The following AP3D1 variants were observed in gnomAD, a reference collection of about 807,000 sequenced individuals.
AP3D1 encodes AP-3 complex subunit delta-1.
AP3D1 carries 51 observed loss-of-function variants against 147.6 expected under a neutral mutation model. That is an observed-to-expected ratio of 0.35 (90% confidence interval 0.28 to 0.44). The LOEUF (loss-of-function observed/expected upper bound fraction) is 0.44. Ranked by LOEUF, AP3D1 falls within the 20% of genes least tolerant of loss-of-function variation. The pLI is 1.00. For synonymous variants in AP3D1, 760 were observed against 663.0 expected (o/e 1.15, Z -2.25); for missense variants, 1,421 against 1,624.2 (o/e 0.87, Z 2.15).
chr19:2,115,485 G>A lies in AP3D1; in HGVS notation c.2149+53C>T. On this transcript the variant is annotated intron_variant, in intron 19 of 31. Transcript: ENST00000643116. ...GGGGCTCACGGGGAGGGCGGCGGGAGCACCCCACAGCCCATGTGACAAATG... is the reference window on the plus strand; with the variant it reads ...GGGGCTCACGGGGAGGGCGGCGGGAACACCCCACAGCCCATGTGACAAATG... The A allele has an allele frequency of 4.4e-6, 7 of 1,609,030 alleles. No homozygotes were observed. In the South Asian group the frequency reaches 4.4e-5, roughly 10 times the overall value.
intron 25 of AP3D1, 125 bp downstream of exon 25, chr19:2,111,554 C>A (rs1030975806): frequency 9.6e-6 from 13 of 1,349,944 alleles, no homozygotes; most frequent in East Asian, 2.5e-5. Context: ...CCCCTGCCCC[C>A]GCCAGGCTCG....
intron 1 of AP3D1, among the ~76,000 whole-genome samples, chr19:2,144,364 G>T (rs1021527192): frequency 2.0e-5 from 3 of 152,144 alleles, no homozygotes; most frequent in Admixed American, 6.5e-5. Flanking sequence ...GGAGCAGAGC[G>T]GCCGCGGCCA....
At chr19:2,115,112 C>G in intron 20 of AP3D1, 107 bp downstream of exon 20, 1 of 1,240,854 alleles carries the variant, frequency 8.1e-7, no homozygotes, top group Non-Finnish European at 1.1e-6. Flanking sequence ...GGGGCCTCAT[C>G]CCAGCCACCA....
In AP3D1 at chr19:2,112,982, G is replaced by A. The variant is rs753352380; in HGVS notation, c.2680-15C>T. On this transcript the variant is annotated splice_polypyrimidine_tract_variant and intron_variant, in intron 23 of 31. Transcript: ENST00000643116. ...CTGAGCTCCCCCTGCAGGGAGCCAG[G>A]GCTTGGGGCTCATGCTGGGCAATGA... 1 of 1,595,540 alleles carries A rather than the reference G, an allele frequency of 6.3e-7. No homozygotes were observed. Among genetic ancestry groups the A allele is most frequent in the Admixed American group, 1.7e-5 (1 of 58,236 alleles).
At chr19:2,127,113 G>C in intron 9 of AP3D1, 39 bp downstream of exon 9, 1 of 1,609,714 alleles carries the variant, frequency 6.2e-7, no homozygotes, top group Non-Finnish European at 8.5e-7. Flanking sequence ...CAGCCTGGCA[G>C]TGCCAGCCCT....
In AP3D1 at chr19:2,120,946, G is replaced by A; in HGVS notation, c.1397C>T (p.Ala466Val). 4 of 1,612,012 alleles carry A rather than the reference G, an allele frequency of 2.5e-6. No homozygotes were observed. The highest frequency in any genetic ancestry group is 3.4e-6 in the Non-Finnish European group (4 of 1,180,014). The change falls in exon 14 of 32, where the codon GCA becomes GTA. Residue 466 changes from alanine to valine, a missense_variant. By Grantham distance (64) the Ala-to-Val change is moderately conservative (BLOSUM62 0). Coordinates refer to ENST00000643116, the MANE Select transcript of AP3D1 (RefSeq NM_001261826.3). ...VSQMSALLDSAHLLASSTQRN... is the reference protein window; with the variant it reads ...VSQMSALLDSVHLLASSTQRN... ...CTGGGTGCTGCTGGCCAGCAGGTGT[G>A]CACTGTCAAGCAGCGCAGACATCTG...
At chr19:2,133,094 T>C (rs915041727) in intron 4 of AP3D1, among the ~76,000 whole-genome samples, 27 of 152,216 alleles carry the variant, frequency 1.8e-4, no homozygotes, top group African/African-American at 6.0e-4. Flanking sequence ...CACGTATCAC[T>C]GGCAGCTCCC....
chr19:2,117,588 C>T (rs1276732979), intron 15 of AP3D1, among the ~76,000 whole-genome samples: 1 of 152,238 alleles, frequency 6.6e-6, no homozygotes, highest in Non-Finnish European at 1.5e-5. Flanking sequence ...GAGATGGGGG[C>T]ACAACAGGGA....
chr19:2,112,172 G>A (rs949610366), intron 24 of AP3D1: 8 of 348,826 alleles, frequency 2.3e-5, no homozygotes, highest in Middle Eastern at 8.9e-4. Flanking sequence ...ACATCCACGC[G>A]CACTGCGCAG....
Position 2,118,673 on chromosome 19 carries a change from C to T in AP3D1, c.1641G>A (p.Gln547=), listed in dbSNP as rs761975746. 1.2e-6 allele frequency: 2 copies of T among 1,613,156 alleles called. No individual in the cohort carries two copies. The highest frequency in any genetic ancestry group is 3.3e-5 in the Admixed American group (2 of 60,018). ...GGTCCACCATGAGCTGGGTGACGGC[C>T]TGAGCGCCCTCTGCCTCCCCGGCCT... ...KEQAGEAEGA[Q]AVTQLMVDRL... The change falls in exon 15 of 32, where the codon CAG becomes CAA. Residue 547 remains glutamine (Q), a synonymous_variant. Transcript: ENST00000643116.
At chr19:2,138,976 T>C (rs1223243430) in intron 1 of AP3D1, among the ~76,000 whole-genome samples, 1 of 146,950 alleles carries the variant, frequency 6.8e-6, no homozygotes, top group Non-Finnish European at 1.5e-5. Flanking sequence ...AGGAGAATCG[T>C]TTAAACCTGG....
rs553672413 is a variant in AP3D1, at chr19:2,121,049, G to A, written c.1294C>T (p.Arg432Trp). ...TGGGCGGCGATGAGGTGGCCGTGCC[G>A]TGTGCCCTCCAGCCGGGTCAGCTCC... Reference protein sequence around the residue: ...LVELTRLEGTRHGHLIAAQML... With the variant: ...LVELTRLEGTWHGHLIAAQML... Residue 432 changes from arginine to tryptophan, a missense_variant, in exon 14 of 32, where the codon CGG becomes TGG. Physicochemically the swap from Arg to Trp is moderately radical, Grantham distance 101. Coordinates refer to ENST00000643116, the MANE Select transcript of AP3D1 (RefSeq NM_001261826.3). The A allele has an allele frequency of 5.6e-6, 9 of 1,613,160 alleles. No individual in the cohort carries two copies. Among genetic ancestry groups the A allele is most frequent in the East Asian group, 2.2e-5 (1 of 44,878 alleles).
intron 1 of AP3D1, among the ~76,000 whole-genome samples, chr19:2,146,770 T>C (rs760725341): frequency 5.3e-5 from 8 of 151,982 alleles, no homozygotes; most frequent in Non-Finnish European, 1.0e-4. Context: ...CAGGGACGCA[T>C]TCGGGAATTC....
chr19:2,119,091 C>T (rs1030723821), intron 14 of AP3D1, among the ~76,000 whole-genome samples: 2 of 152,150 alleles, frequency 1.3e-5, no homozygotes, highest in Non-Finnish European at 2.9e-5. Context: ...AAAAGGACAA[C>T]GGGGTCAACT....
chr19:2,110,576 T>C, intron 27 of AP3D1, 131 bp downstream of exon 27: 1 of 985,978 alleles, frequency 1.0e-6, no homozygotes, highest in Non-Finnish European at 1.5e-6. Flanking sequence ...ACTCAGGAGG[T>C]ACTGAGGTGC....
In AP3D1 at chr19:2,129,474, T is replaced by C. The variant is rs758287; in HGVS notation, c.593-17A>G. On this transcript the variant is annotated splice_polypyrimidine_tract_variant and intron_variant, in intron 6 of 31. Transcript: ENST00000643116. ...ACTGAACCCCTGGGGAACAAGGGGT[T>C]CTCATCAGCATGCCTGTCCTTCCAC... The C allele has an allele frequency of 0.39, 619,953 of 1,609,250 alleles. 125,159 individuals carry two copies. The highest frequency in any genetic ancestry group is 0.42 in the Non-Finnish European group (498,994 of 1,177,034).
At chr19:2,109,986 G>C in intron 28 of AP3D1, 28 bp from the exon 29 acceptor site, 1 of 1,611,672 alleles carries the variant, frequency 6.2e-7, no homozygotes, top group Non-Finnish European at 8.5e-7. Context: ...TGGTGCAGTT[G>C]AGAGGGGAGT....
chr19:2,129,486 GCCTGT>G, intron 6 of AP3D1, 29 bp from the exon 7 acceptor site: 10 of 1,601,488 alleles, frequency 6.2e-6, no homozygotes, highest in Non-Finnish European at 8.5e-6. Flanking sequence ...TCATCAGCAT[GCCTGT>G]CCTTCCACCT....
chr19:2,123,444 T>G lies in AP3D1; in HGVS notation c.907-38A>C, dbSNP rs199528165. ...AAAAAACGATGCTGGTTACATCCTC[T>G]AAACCAAGGGTGAGTCCCACAGGTA... On this transcript the variant is annotated intron_variant, in intron 10 of 31. Coordinates refer to ENST00000643116, the MANE Select transcript of AP3D1 (RefSeq NM_001261826.3). 9.4e-5 allele frequency: 151 copies of G among 1,609,858 alleles called. 1 individual carries two copies. Among genetic ancestry groups the G allele is most frequent in the Middle Eastern group, 5.0e-4 (3 of 6,048 alleles).
Sources: gnomAD v4.1 joint callset for allele counts (sites outside exome capture counted in the v4.1 genomes callset) on GRCh38, gnomAD v4.1.1 for gene constraint, MANE v1.5 for transcripts, NCBI Gene and HGNC (gene_info 2026-07-23, HGNC 2026-07-21) for gene names.